Variants in DCHS2 observed in about 807,000 individuals in gnomAD.
DCHS2 encodes protocadherin-23.
A neutral mutation model predicts 182.4 loss-of-function variants in DCHS2; 142 were observed. The ratio of observed to expected loss-of-function variants is 0.78; its 90% CI spans 0.68 to 0.89. The LOEUF is 0.89. Ranked by LOEUF, DCHS2 falls within the 40% of genes least tolerant of loss-of-function variation. The pLI is 0.00. For synonymous variants in DCHS2, 1,740 were observed against 1,663.3 expected (o/e 1.05, Z -1.12); for missense variants, 4,319 against 4,198.6 (o/e 1.03, Z -0.79).
intron 4 of DCHS2, 66 bp from the exon 5 acceptor site, chr4:154,333,560 T>C (rs2111367185): frequency 6.9e-7 from 1 of 1,452,406 alleles, no homozygotes; most frequent in Non-Finnish European, 9.3e-7. Flanking sequence ...ACTCAGAAAT[T>C]GAAATGTTAA....
At chr4:154,386,351 C>T (rs1731417060) in intron 1 of DCHS2, among the ~76,000 whole-genome samples, 2 of 152,154 alleles carry the variant, frequency 1.3e-5, no homozygotes, top group East Asian at 1.9e-4. Context: ...GGGCCTTGTA[C>T]TTGGTGTTCT....
chr4:154,254,980 TG>T (rs1732579372), intron 16 of DCHS2, among the ~76,000 whole-genome samples: 3 of 152,242 alleles, frequency 2.0e-5, no homozygotes, highest in African/African-American at 7.2e-5. Flanking sequence ...TGTTGAATTC[TG>T]TATAAGGCTG....
At chr4:154,277,069 T>C (rs1414964867) in intron 13 of DCHS2, among the ~76,000 whole-genome samples, 1 of 152,220 alleles carries the variant, frequency 6.6e-6, no homozygotes, top group African/African-American at 2.4e-5. Context: ...TGTGTTTTCT[T>C]TTGTAATTGG....
At chr4:154,333,584 T>G in intron 4 of DCHS2, 90 bp from the exon 5 acceptor site, 3 of 1,234,278 alleles carry the variant, frequency 2.4e-6, no homozygotes, top group Non-Finnish European at 3.3e-6. Flanking sequence ...AGTCATCCAC[T>G]GCCTAATGAC....
At chr4:154,462,194 T>C (rs2111000002) in intron 1 of DCHS2, among the ~76,000 whole-genome samples, 1 of 152,314 alleles carries the variant, frequency 6.6e-6, no homozygotes, top group East Asian at 1.9e-4. Flanking sequence ...AAGTTACAAA[T>C]GATACATCCA....
chr4:154,357,468 A>G, intron 3 of DCHS2: 2 of 616,972 alleles, frequency 3.2e-6, no homozygotes, highest in Non-Finnish European at 5.8e-6. Context: ...GAGCCCAGCT[A>G]TCACCAGACC....
At position 154,490,056 on chromosome 4, in the gene DCHS2, C is replaced by T. The variant is rs1728744212; in HGVS notation, c.1300G>A (p.Asp434Asn). Residue 434 changes from aspartate (D) to asparagine (N), a missense_variant, in exon 1 of 20, where the codon GAC becomes AAC. Physicochemically the swap from Asp to Asn is conservative, Grantham distance 23 (BLOSUM62 1). Transcript: ENST00000357232. ...ARVSEGARPG[D>N]YVARVSVSDA... ...GACACCGAGACGCGAGCCACGTAGTCGCCCGGTCGGGCGCCTTCAGAGACA... is the reference window on the plus strand; with the variant it reads ...GACACCGAGACGCGAGCCACGTAGTTGCCCGGTCGGGCGCCTTCAGAGACA... The T allele has an allele frequency of 5.8e-6, 9 of 1,548,940 alleles. No homozygotes were observed. The highest frequency in any genetic ancestry group is 7.8e-6 in the Non-Finnish European group (9 of 1,146,954).
In DCHS2 at chr4:154,491,660, C is replaced by T; in HGVS notation, c.-305G>A. 3 of 1,239,030 alleles carry T rather than the reference C, an allele frequency of 2.4e-6. No individual in the cohort carries two copies. Among genetic ancestry groups the T allele is most frequent in the Non-Finnish European group, 3.0e-6 (3 of 992,090 alleles). The allele number at this position is 1,239,030 out of a possible 1,614,324, so 76.8% of individuals were successfully genotyped here. The stretch of plus-strand genomic sequence containing the variant: ...CTCTCTCCTTTTATTCCCTTTACAT[C>T]TGTTCCTTGTTCTACTCGGCTGGTT... On this transcript the variant is annotated 5_prime_UTR_variant, in exon 1 of 20. Transcript: ENST00000357232.
At chr4:154,307,362 T>G (rs971153364) in intron 10 of DCHS2, among the ~76,000 whole-genome samples, 2 of 152,178 alleles carry the variant, frequency 1.3e-5, no homozygotes, top group African/African-American at 4.8e-5. Flanking sequence ...TATGTGTGTG[T>G]GTGTGCCTGT....
intron 1 of DCHS2, among the ~76,000 whole-genome samples, chr4:154,392,582 A>G (rs972731195): frequency 1.3e-5 from 2 of 152,190 alleles, no homozygotes; most frequent in African/African-American, 2.4e-5. Flanking sequence ...CATAGTCACA[A>G]TGGGCAAATA....
intron 1 of DCHS2, among the ~76,000 whole-genome samples, chr4:154,421,250 A>G (rs1733096595): frequency 6.6e-6 from 1 of 152,194 alleles, no homozygotes; most frequent in African/African-American, 2.4e-5. Context: ...GCCTAACAAA[A>G]AGTAAAAGGT....
intron 2 of DCHS2, among the ~76,000 whole-genome samples, chr4:154,371,769 G>A (rs1730656953): frequency 2.0e-5 from 3 of 152,072 alleles, no homozygotes; most frequent in African/African-American, 4.8e-5. Flanking sequence ...GAGAGAAGGC[G>A]GAGGCAGAGG....
At chr4:154,458,088 T>A (rs2110991068) in intron 1 of DCHS2, among the ~76,000 whole-genome samples, 1 of 152,090 alleles carries the variant, frequency 6.6e-6, no homozygotes, top group African/African-American at 2.4e-5. Context: ...TGAAGTTTCA[T>A]TCACCTTCTT....
intron 1 of DCHS2, among the ~76,000 whole-genome samples, chr4:154,394,832 G>T (rs758497359): frequency 6.6e-6 from 1 of 152,182 alleles, no homozygotes; most frequent in African/African-American, 2.4e-5. Flanking sequence ...TCTCAACAGT[G>T]TTTCCCTCAA....
intron 19 of DCHS2, 97 bp downstream of exon 19, chr4:154,239,073 G>T: frequency 6.8e-7 from 1 of 1,469,310 alleles, no homozygotes; most frequent in Non-Finnish European, 9.0e-7. Flanking sequence ...GGGTGGGGAG[G>T]TGGGGAACTT....
At chr4:154,321,362 A>T (rs1736055956) in intron 8 of DCHS2, 140 bp from the exon 9 acceptor site, 1 of 924,414 alleles carries the variant, frequency 1.1e-6, no homozygotes, top group Non-Finnish European at 1.5e-6. Context: ...TGTCATTTTT[A>T]TATTATATAA....
chr4:154,384,211 C>T (rs1411266167), intron 1 of DCHS2, among the ~76,000 whole-genome samples: 1 of 152,188 alleles, frequency 6.6e-6, no homozygotes, highest in East Asian at 1.9e-4. Flanking sequence ...TTGGCAAGTT[C>T]ACCAAGTTCC....
chr4:154,287,655 T>C (rs1734464897), intron 13 of DCHS2, among the ~76,000 whole-genome samples: 1 of 152,080 alleles, frequency 6.6e-6, no homozygotes, highest in East Asian at 1.9e-4. Flanking sequence ...AATTTTTCTA[T>C]TTCTTTAAGT....
At chr4:154,362,279 C>G (rs952086665) in intron 3 of DCHS2, among the ~76,000 whole-genome samples, 9 of 151,978 alleles carry the variant, frequency 5.9e-5, no homozygotes, top group Non-Finnish European at 1.2e-4. Flanking sequence ...TTTGAGGAAA[C>G]GTGGGGATAG....
Sources: allele counts gnomAD v4.1 joint callset (sites outside exome capture counted in the v4.1 genomes callset), GRCh38; gene constraint gnomAD v4.1.1; transcripts MANE v1.5; gene names NCBI Gene and HGNC (gene_info 2026-07-23, HGNC 2026-07-21).